The following NAALADL2 variants were observed in gnomAD, a reference collection of about 807,000 sequenced individuals.
NAALADL2 encodes N-acetylated alpha-linked acidic dipeptidase like 2.
A neutral mutation model predicts 87.2 loss-of-function variants in NAALADL2; 76 were observed. That is an observed-to-expected ratio of 0.87 (90% CI 0.72 to 1.05). The LOEUF (loss-of-function observed/expected upper bound fraction) is 1.05, where lower values mean the gene tolerates loss of function less well. Ranked by LOEUF, NAALADL2 falls within the 50% of genes least tolerant of loss-of-function variation. The pLI is 0.00. For synonymous variants in NAALADL2, 354 were observed against 331.0 expected (o/e 1.07, Z -0.75); for missense variants, 1,089 against 945.8 (o/e 1.15, Z -1.99).
At chr3:175,349,306 T>G (rs1451692734) in intron 5 of NAALADL2, among the ~76,000 whole-genome samples, 1 of 151,514 alleles carries the variant, frequency 6.6e-6, no homozygotes, top group Non-Finnish European at 1.5e-5. Context: ...GCAACAACTA[T>G]GTGGATAAGA....
intron 11 of NAALADL2, among the ~76,000 whole-genome samples, chr3:175,638,228 G>A (rs1319069108): frequency 1.3e-5 from 2 of 152,056 alleles, no homozygotes; most frequent in Non-Finnish European, 2.9e-5. Context: ...ATATTTATTC[G>A]ATCCACATAA....
At chr3:175,323,477 T>C (rs1760212907) in intron 4 of NAALADL2, among the ~76,000 whole-genome samples, 2 of 151,876 alleles carry the variant, frequency 1.3e-5, no homozygotes, top group East Asian at 3.9e-4. Flanking sequence ...ACCCTAAATC[T>C]TAAAGTATAA....
At chr3:175,425,849 A>G (rs1214977287) in intron 5 of NAALADL2, among the ~76,000 whole-genome samples, 3 of 152,202 alleles carry the variant, frequency 2.0e-5, no homozygotes, top group Non-Finnish European at 4.4e-5. Flanking sequence ...ATATAAATAT[A>G]TTTAAGTAAT....
chr3:175,506,863 A>G (rs1730397772), intron 9 of NAALADL2, among the ~76,000 whole-genome samples: 1 of 152,088 alleles, frequency 6.6e-6, no homozygotes, highest in South Asian at 2.1e-4. Flanking sequence ...TGCTCCTGAT[A>G]CCTTTTAGCC....
chr3:174,534,968 AC>A (rs1165352391), intron 1 of NAALADL2, among the ~76,000 whole-genome samples: 8 of 152,218 alleles, frequency 5.3e-5, no homozygotes, highest in Admixed American at 5.2e-4. Context: ...GTCTGGAGTT[AC>A]ACTATAGCTA....
At chr3:174,999,348 A>G (rs1053158797) in intron 1 of NAALADL2, among the ~76,000 whole-genome samples, 2 of 152,156 alleles carry the variant, frequency 1.3e-5, no homozygotes, top group African/African-American at 2.4e-5. Flanking sequence ...ATATTTTTCA[A>G]TTTCTTCTAT....
At chr3:175,399,197 A>G (rs1770234465) in intron 5 of NAALADL2, among the ~76,000 whole-genome samples, 1 of 152,134 alleles carries the variant, frequency 6.6e-6, no homozygotes, top group African/African-American at 2.4e-5. Context: ...ATTTTGCAAG[A>G]ATTAATATTA....
intron 1 of NAALADL2, among the ~76,000 whole-genome samples, chr3:174,986,359 TTGTTA>T (rs146378038): frequency 0.034 from 5,110 of 149,266 alleles, 195 homozygotes; most frequent in East Asian, 0.17. Flanking sequence ...TTGTTATATT[TTGTTA>T]TGTTTAGTTG....
At chr3:174,470,487 A>G (rs1716830716) in intron 1 of NAALADL2, among the ~76,000 whole-genome samples, 1 of 152,094 alleles carries the variant, frequency 6.6e-6, no homozygotes, top group African/African-American at 2.4e-5. Context: ...TTTATTGTGC[A>G]GAAGCTGTCA....
intron 1 of NAALADL2, chr3:174,458,740 T>A (rs988933822): frequency 6.6e-6 from 1 of 152,228 alleles, no homozygotes; most frequent in African/African-American, 2.4e-5. Flanking sequence ...CTAATACTGT[T>A]ACACTTTTGT....
chr3:174,865,451 A>G (rs1391973667), intron 1 of NAALADL2, among the ~76,000 whole-genome samples: 1 of 152,018 alleles, frequency 6.6e-6, no homozygotes, highest in Non-Finnish European at 1.5e-5. Context: ...CTTTGAAAAC[A>G]GGTCATGAGA....
intron 2 of NAALADL2, among the ~76,000 whole-genome samples, chr3:175,181,167 G>A (rs3979497): frequency 0.73 from 110,643 of 151,852 alleles, 40,890 homozygotes; most frequent in Non-Finnish European, 0.8. Context: ...ATCTCCCTGT[G>A]ATCTAGATCT....
intron 9 of NAALADL2, among the ~76,000 whole-genome samples, chr3:175,496,405 C>T (rs1728818014): frequency 6.6e-6 from 1 of 151,530 alleles, no homozygotes; most frequent in Admixed American, 6.6e-5. Flanking sequence ...TTTCTCTACC[C>T]ATATATTTTA....
At chr3:174,706,691 G>T (rs530160300) in intron 2 of NAALADL2, among the ~76,000 whole-genome samples, 124 of 152,228 alleles carry the variant, frequency 8.1e-4, no homozygotes, top group African/African-American at 2.8e-3. Context: ...TTTTGGTGTT[G>T]TAGACATGAA....
intron 3 of NAALADL2, among the ~76,000 whole-genome samples, chr3:175,250,426 T>A (rs1748853424): frequency 6.6e-6 from 1 of 152,142 alleles, no homozygotes; most frequent in Non-Finnish European, 1.5e-5. Context: ...AAATTTGTGT[T>A]GTTTAAGCCA....
chr3:175,013,986 C>G (rs551678258), intron 1 of NAALADL2, among the ~76,000 whole-genome samples: 1 of 152,264 alleles, frequency 6.6e-6, no homozygotes, highest in South Asian at 2.1e-4. Flanking sequence ...TCTAATAAAA[C>G]TGGATCAGAA....
At chr3:174,595,512 A>G (rs1362008223) in intron 2 of NAALADL2, among the ~76,000 whole-genome samples, 6 of 152,192 alleles carry the variant, frequency 3.9e-5, no homozygotes. Flanking sequence ...AGAAAAGGCT[A>G]TCCTGGAAAT....
At position 175,629,186 on chromosome 3, in the gene NAALADL2, TA is replaced by T. The variant is rs60172738; in HGVS notation, c.1896+1805del. Among the ~76,000 whole-genome samples the T allele has an allele frequency of 3.6e-3, 534 of 148,288 alleles. 2 individuals are homozygous for T. Among genetic ancestry groups the T allele is most frequent in the African/African-American group, 0.012 (495 of 40,810 alleles). ...ATACATATATACACACATACACACA[TA>T]AAAACATGCATTAATGAATATATAG... On this transcript the variant is annotated intron_variant, in intron 11 of 13. Coordinates refer to ENST00000454872, the MANE Select transcript of NAALADL2 (RefSeq NM_207015.3).
Position 174,805,351 on chromosome 3 carries a change from G to A in NAALADL2, c.-9+67605G>A, listed in dbSNP as rs193115667. ...AGAATATGTCTCCTAGGATTACTTCGTTGTTCTAAGGAAGCAACTATTTTT... is the reference window on the plus strand; with the variant it reads ...AGAATATGTCTCCTAGGATTACTTCATTGTTCTAAGGAAGCAACTATTTTT... On this transcript the variant is annotated intron_variant, in intron 3 of 3. Transcript: ENST00000434257. Among the ~76,000 whole-genome samples the A allele has an allele frequency of 2.0e-5, 3 of 152,050 alleles. No homozygotes were observed. In the East Asian group the frequency reaches 5.8e-4, roughly 29 times the overall value.
Sources: gnomAD v4.1 joint callset for allele counts (sites outside exome capture counted in the v4.1 genomes callset) on GRCh38, gnomAD v4.1.1 for gene constraint, MANE v1.5 for transcripts, NCBI Gene and HGNC (gene_info 2026-07-23, HGNC 2026-07-21) for gene names.